PAQR8: variants seen among roughly 807,000 people sequenced by gnomAD.
PAQR8 encodes the protein membrane progestin receptor beta.
A neutral mutation model predicts 25.2 loss-of-function variants in PAQR8; 17 were observed. That is an observed-to-expected ratio of 0.67 (90% CI 0.46 to 1.01). PAQR8 has a LOEUF of 1.01. Among genes scored for constraint, PAQR8 ranks in the 50% least tolerant of loss-of-function variants. PAQR8 has a pLI of 0.00. For missense variants in PAQR8, 392 were observed against 448.4 expected (o/e 0.87, Z 1.14); for synonymous variants, 204 against 190.6 (o/e 1.07, Z -0.58).
intron 1 of PAQR8, among the ~76,000 whole-genome samples, chr6:52,379,680 G>A (rs1374836134): frequency 7.1e-6 from 1 of 140,984 alleles, no homozygotes; most frequent in African/African-American, 2.7e-5. Context: ...AGGCTGGAGT[G>A]CAGTGCTGCG....
intron 1 of PAQR8, among the ~76,000 whole-genome samples, chr6:52,372,967 A>G (rs939444448): frequency 2.0e-5 from 3 of 152,154 alleles, no homozygotes; most frequent in African/African-American, 4.8e-5. Context: ...TGGTCACCCA[A>G]CTTGTAACTG....
At chr6:52,378,664 G>A (rs1051850120) in intron 1 of PAQR8, among the ~76,000 whole-genome samples, 40 of 152,084 alleles carry the variant, frequency 2.6e-4, no homozygotes, top group African/African-American at 9.4e-4. Flanking sequence ...GGTGGTGTAT[G>A]CCTGAAATCC....
chr6:52,370,024 AG>A (rs1023791858), intron 1 of PAQR8, among the ~76,000 whole-genome samples: 11 of 152,118 alleles, frequency 7.2e-5, no homozygotes, highest in African/African-American at 2.7e-4. Flanking sequence ...TTTGATGAAG[AG>A]GTTCATGTTA....
At chr6:52,363,386 C>T (rs977252632) in intron 1 of PAQR8, among the ~76,000 whole-genome samples, 4 of 152,160 alleles carry the variant, frequency 2.6e-5, no homozygotes, top group Admixed American at 6.5e-5. Context: ...TGAGAAGAGC[C>T]TGGGCTAAAA....
At position 52,403,450 on chromosome 6, in the gene PAQR8, C is replaced by G; in HGVS notation, c.237C>G (p.Val79=). Residue 79 remains valine (V), a synonymous_variant, in exon 2 of 2, where the codon GTC becomes GTG. Coordinates refer to ENST00000442253, the MANE Select transcript of PAQR8 (RefSeq NM_133367.5). ...AGAAACACAACGAGGTGGTCAACGT[C>G]TGGACCCATTTACTGGCAGCCCTGG... ...LFQKHNEVVN[V]WTHLLAALAV... The G allele has an allele frequency of 1.2e-6, 2 of 1,614,246 alleles. No homozygotes were observed. Among genetic ancestry groups the G allele is most frequent in the Non-Finnish European group, 1.7e-6 (2 of 1,180,050 alleles).
intron 1 of PAQR8, among the ~76,000 whole-genome samples, chr6:52,372,489 G>T (rs192501649): frequency 5.4e-4 from 82 of 152,186 alleles, no homozygotes; most frequent in African/African-American, 1.9e-3. Context: ...GAGGCAGGCT[G>T]GTCTCTTGGC....
intron 1 of PAQR8, among the ~76,000 whole-genome samples, chr6:52,369,258 T>C (rs927692454): frequency 6.6e-6 from 1 of 152,190 alleles, no homozygotes; most frequent in Non-Finnish European, 1.5e-5. Context: ...GGTTCCTGAC[T>C]TTAATCAACC....
chr6:52,393,639 CA>C (rs1176984594), intron 1 of PAQR8, among the ~76,000 whole-genome samples: 1 of 152,142 alleles, frequency 6.6e-6, no homozygotes, highest in Non-Finnish European at 1.5e-5. Context: ...TCGATTTGGA[CA>C]CTTTCCATTC....
At chr6:52,398,445 TG>T (rs1763793654) in intron 1 of PAQR8, among the ~76,000 whole-genome samples, 1 of 152,146 alleles carries the variant, frequency 6.6e-6, no homozygotes. Context: ...TGACCTCAGG[TG>T]ATCTGCCCAC....
intron 1 of PAQR8, among the ~76,000 whole-genome samples, chr6:52,372,026 C>T (rs12190988): frequency 0.13 from 20,465 of 152,262 alleles, 1,851 homozygotes; most frequent in Non-Finnish European, 0.2. Context: ...TCTAAGAAAT[C>T]CTAGAAGCTG....
chr6:52,370,264 G>A lies in PAQR8; in HGVS notation c.-53+8015G>A, dbSNP rs115267289. Among the ~76,000 whole-genome samples, 754 of 152,174 alleles carry A rather than the reference G, an allele frequency of 5.0e-3. 1 individual carries two copies. The highest frequency in any genetic ancestry group is 0.017 in the African/African-American group (712 of 41,508). On this transcript the variant is annotated intron_variant, in intron 1 of 1. Coordinates refer to ENST00000442253, the MANE Select transcript of PAQR8 (RefSeq NM_133367.5). ...ATCAGTCTAACTCGGACACTTGGGAGGGAGAGGGAGAAAAAGGCAATAGAT... is the reference window on the plus strand; with the variant it reads ...ATCAGTCTAACTCGGACACTTGGGAAGGAGAGGGAGAAAAAGGCAATAGAT...
chr6:52,393,272 G>C (rs1393927723), intron 1 of PAQR8, among the ~76,000 whole-genome samples: 3 of 150,788 alleles, frequency 2.0e-5, no homozygotes, highest in African/African-American at 2.4e-5. Context: ...CCAAAACACT[G>C]TCTGGTATGT....
chr6:52,407,677 GCAAAA>G lies in PAQR8; in HGVS notation c.*3400_*3404del, dbSNP rs1763927878. Reference sequence around the variant, plus strand: ...ATTGGTCTTGTGTTTTGCTTGCTTGGCAAAAAAAAAAAAAAAAAAAAAAAAAAAAA... The same window carrying G: ...ATTGGTCTTGTGTTTTGCTTGCTTGGAAAAAAAAAAAAAAAAAAAAAAAAA... On this transcript the variant is annotated 3_prime_UTR_variant, in exon 2 of 2. Coordinates refer to ENST00000442253, the MANE Select transcript of PAQR8 (RefSeq NM_133367.5). 1 of 9,084 alleles carries G rather than the reference GCAAAA, an allele frequency of 1.1e-4. No homozygotes were observed. The highest frequency in any genetic ancestry group is 2.2e-4 in the Non-Finnish European group (1 of 4,490). 0.6% of individuals were successfully genotyped at this position (9,084 alleles called of 1,614,324 possible). A position where few individuals can be genotyped will look rare whatever the true frequency, so the allele number is the denominator to read the frequency against.
chr6:52,385,957 G>A (rs1459399015), intron 1 of PAQR8, among the ~76,000 whole-genome samples: 1 of 152,146 alleles, frequency 6.6e-6, no homozygotes, highest in African/African-American at 2.4e-5. Context: ...CATACATTAT[G>A]CAGGGGTCTA....
intron 1 of PAQR8, among the ~76,000 whole-genome samples, chr6:52,381,679 A>G (rs947039131): frequency 5.3e-5 from 8 of 152,206 alleles, no homozygotes; most frequent in African/African-American, 1.2e-4. Context: ...TATCCACCCA[A>G]TGTTTGATTT....
intron 1 of PAQR8, among the ~76,000 whole-genome samples, chr6:52,368,641 T>G (rs1763382307): frequency 1.3e-5 from 2 of 152,242 alleles, no homozygotes; most frequent in South Asian, 4.1e-4. Context: ...TTAATACTGA[T>G]AAATTTACCT....
At position 52,403,179 on chromosome 6, in the gene PAQR8, G is replaced by T; in HGVS notation, c.-35G>T. On this transcript the variant is annotated 5_prime_UTR_variant, in exon 2 of 2. Coordinates refer to ENST00000442253, the MANE Select transcript of PAQR8 (RefSeq NM_133367.5). Reference sequence around the variant, plus strand: ...TTCTGCAGGTTGCATACCCTGTCCTGAGGGCGCGGCACGGAGTGCATGCGG... The same window carrying T: ...TTCTGCAGGTTGCATACCCTGTCCTTAGGGCGCGGCACGGAGTGCATGCGG... The T allele has an allele frequency of 2.6e-6, 4 of 1,562,744 alleles. No individual in the cohort carries two copies.
In PAQR8 at chr6:52,407,283, C is replaced by T. The variant is rs933313235; in HGVS notation, c.*3005C>T. On this transcript the variant is annotated 3_prime_UTR_variant, in exon 2 of 2. Coordinates refer to ENST00000442253, the MANE Select transcript of PAQR8 (RefSeq NM_133367.5). ...AGGGAGAGGAGATGGCAGGACACAGCAAACAGGACACATTTGCCTGCTTCT... is the reference window on the plus strand; with the variant it reads ...AGGGAGAGGAGATGGCAGGACACAGTAAACAGGACACATTTGCCTGCTTCT... 1.2e-5 allele frequency: 2 copies of T among 166,802 alleles called. No homozygotes were observed. The highest frequency in any genetic ancestry group is 4.8e-5 in the African/African-American group (2 of 41,346). The allele number at this position is 166,802 out of a possible 1,614,324, so 10.3% of individuals were successfully genotyped here.
At chr6:52,385,450 C>G (rs1477251246) in intron 1 of PAQR8, among the ~76,000 whole-genome samples, 1 of 152,170 alleles carries the variant, frequency 6.6e-6, no homozygotes, top group Non-Finnish European at 1.5e-5. Context: ...TATAAACATC[C>G]TTCAAGAAAA....
Sources: allele counts gnomAD v4.1 joint callset (sites outside exome capture counted in the v4.1 genomes callset), GRCh38; gene constraint gnomAD v4.1.1; transcripts MANE v1.5; gene names NCBI Gene and HGNC (gene_info 2026-07-23, HGNC 2026-07-21).